The following TMC5 variants were observed in gnomAD, a reference collection of about 807,000 sequenced individuals.
The protein encoded by TMC5 is transmembrane channel-like protein 5.
A neutral mutation model predicts 110.5 loss-of-function variants in TMC5; 86 were observed. That is an observed-to-expected ratio of 0.78 (90% CI 0.65 to 0.93). The LOEUF is 0.93. TMC5 is among the 40% of genes least tolerant of loss of function. TMC5 has a pLI of 0.00. For synonymous variants in TMC5, 455 were observed against 439.5 expected, an observed-to-expected ratio of 1.04 and a Z score of -0.44; for missense variants, 1,144 against 1,222.8, an observed-to-expected ratio of 0.94 and a Z score of 0.96.
At chr16:19,449,519 T>C (rs909936066) in intron 4 of TMC5, 23 bp from the exon 5 acceptor site, 1 of 1,602,102 alleles carries the variant, frequency 6.2e-7, no homozygotes, top group Non-Finnish European at 8.6e-7. Flanking sequence ...TAATCGGCAA[T>C]ATCTCCTTCC....
Position 19,440,606 on chromosome 16 carries a change from C to G in TMC5, c.568C>G (p.His190Asp). 1 of 1,614,200 alleles carries G rather than the reference C, an allele frequency of 6.2e-7. No homozygotes were observed. Among genetic ancestry groups the G allele is most frequent in the African/African-American group, 1.3e-5 (1 of 75,052 alleles). Residue 190 changes from histidine (H) to aspartate (D), a missense_variant, in exon 3 of 22, where the codon CAT (histidine) becomes GAT (aspartate). His to Asp is a moderately conservative substitution (Grantham distance 81). Coordinates refer to ENST00000542583, the MANE Select transcript of TMC5 (RefSeq NM_001261841.2). ...TCCAGGATCCAGAAAGAATCTGGAACATACAAGTTTTAGAATCAATCCATA... is the reference window on the plus strand; with the variant it reads ...TCCAGGATCCAGAAAGAATCTGGAAGATACAAGTTTTAGAATCAATCCATA... ...NHPGSRKNLE[H>D]TSFRINPYAD...
chr16:19,432,544 C>T (rs1967216067), intron 2 of TMC5, among the ~76,000 whole-genome samples: 2 of 152,210 alleles, frequency 1.3e-5, no homozygotes, highest in Admixed American at 1.3e-4. Context: ...GGGTAAGGTT[C>T]TCAGAAGGCC....
intron 2 of TMC5, among the ~76,000 whole-genome samples, chr16:19,431,671 C>T (rs951942267): frequency 6.6e-6 from 1 of 152,028 alleles, no homozygotes; most frequent in Non-Finnish European, 1.5e-5. Context: ...TTTTGTAAGG[C>T]CCTGGTTTCT....
intron 5 of TMC5, among the ~76,000 whole-genome samples, chr16:19,459,485 T>C (rs1427641484): frequency 6.6e-6 from 1 of 152,012 alleles, no homozygotes; most frequent in Non-Finnish European, 1.5e-5. Context: ...TGTGGGATAT[T>C]AAAGCAAGAG....
intron 14 of TMC5, among the ~76,000 whole-genome samples, chr16:19,480,910 C>A (rs1277642591): frequency 1.3e-5 from 2 of 151,172 alleles, no homozygotes; most frequent in Admixed American, 6.6e-5. Context: ...TCAAGTTTCC[C>A]CAGAGTAAAT....
chr16:19,462,935 G>T (rs1397317457), intron 6 of TMC5, among the ~76,000 whole-genome samples: 1 of 151,614 alleles, frequency 6.6e-6, no homozygotes, highest in African/African-American at 2.4e-5. Flanking sequence ...AAAGAAATGA[G>T]GTCTCGTTCA....
At chr16:19,465,323 C>T (rs1326060769) in intron 8 of TMC5, among the ~76,000 whole-genome samples, 2 of 151,994 alleles carry the variant, frequency 1.3e-5, no homozygotes, top group African/African-American at 4.8e-5. Flanking sequence ...CACTTGAAGT[C>T]AGAAGTTGGA....
intron 5 of TMC5, among the ~76,000 whole-genome samples, chr16:19,457,607 C>A (rs896322113): frequency 6.7e-6 from 1 of 149,612 alleles, no homozygotes; most frequent in African/African-American, 2.4e-5. Flanking sequence ...TTTGAGGTGG[C>A]ATTTCCGTTT....
upstream of TMC5, among the ~76,000 whole-genome samples, chr16:19,415,270 G>A (rs891369385): frequency 3.3e-5 from 5 of 152,216 alleles, no homozygotes; most frequent in African/African-American, 1.2e-4. Context: ...ATGTTGAGTT[G>A]CTGATTTCCT....
chr16:19,469,560 T>C lies in TMC5; in HGVS notation c.1638-121T>C, dbSNP rs1209752176. 5.6e-6 allele frequency: 7 copies of C among 1,259,344 alleles called. No homozygotes were observed. In the East Asian group the frequency reaches 1.2e-4, roughly 21 times the overall value. The allele number at this position is 1,259,344 out of a possible 1,614,324, so 78.0% of individuals were successfully genotyped here. On this transcript the variant is annotated intron_variant, in intron 9 of 21. Transcript: ENST00000542583. ...GACCACACCGCTCCAGGCCAACAGC[T>C]TGGGGCTAAGTCTTCACGTTGCCTT...
chr16:19,463,910 G>A lies in TMC5; in HGVS notation c.1371G>A (p.Leu457=), dbSNP rs371184097. Residue 457 remains leucine, a synonymous_variant, in exon 8 of 22, where the codon TTG becomes TTA. Transcript: ENST00000542583. The part of the protein sequence containing the change: ...LSYFNFLRWL[L]KFNIFSFILN... Reference sequence around the variant, plus strand: ...ATTTCAACTTTCTGAGATGGCTTTTGAAGTTCAACATTTTCTCATTCATCC... The same window carrying A: ...ATTTCAACTTTCTGAGATGGCTTTTAAAGTTCAACATTTTCTCATTCATCC... 3.1e-6 allele frequency: 5 copies of A among 1,614,028 alleles called. No homozygotes were observed. The highest frequency in any genetic ancestry group is 4.2e-6 in the Non-Finnish European group (5 of 1,180,038).
chr16:19,450,472 A>T (rs1324287649), intron 5 of TMC5, among the ~76,000 whole-genome samples: 4 of 152,156 alleles, frequency 2.6e-5, no homozygotes, highest in African/African-American at 9.7e-5. Flanking sequence ...TCCATTTCTC[A>T]TCTTTGTAAA....
intron 17 of TMC5, among the ~76,000 whole-genome samples, chr16:19,489,820 G>T (rs1718761379): frequency 1.3e-5 from 2 of 150,754 alleles, no homozygotes; most frequent in South Asian, 4.2e-4. Context: ...ACAGGGTCTT[G>T]CTCTGTTGCC....
At chr16:19,481,931 G>T (rs1346843151) in intron 15 of TMC5, among the ~76,000 whole-genome samples, 1 of 152,090 alleles carries the variant, frequency 6.6e-6, no homozygotes, top group African/African-American at 2.4e-5. Context: ...CTACCACGTG[G>T]GGACATGGAG....
chr16:19,413,001 A>T (rs1966860098), upstream of TMC5, among the ~76,000 whole-genome samples: 1 of 151,528 alleles, frequency 6.6e-6, no homozygotes, highest in Non-Finnish European at 1.5e-5. Flanking sequence ...TCGCCTCTAC[A>T]CCCAGCTGAT....
At chr16:19,492,104 G>C in intron 18 of TMC5, 46 bp from the exon 19 acceptor site, 1 of 1,490,264 alleles carries the variant, frequency 6.7e-7, no homozygotes, top group South Asian at 1.1e-5. Context: ...TTCAGAGCCT[G>C]CAAAACATTT....
At chr16:19,434,107 T>C (rs1266795001) in intron 2 of TMC5, among the ~76,000 whole-genome samples, 5 of 113,470 alleles carry the variant, frequency 4.4e-5, no homozygotes, top group African/African-American at 1.0e-4. Flanking sequence ...AATATATATA[T>C]TATATATATA....
intron 13 of TMC5, among the ~76,000 whole-genome samples, chr16:19,478,038 C>G (rs1968530825): frequency 6.6e-6 from 1 of 152,198 alleles, no homozygotes; most frequent in Non-Finnish European, 1.5e-5. Context: ...CTTCACTTAA[C>G]TACAGTTTCT....
At chr16:19,494,202 T>C in intron 19 of TMC5, 60 bp from the exon 20 acceptor site, 1 of 1,383,930 alleles carries the variant, frequency 7.2e-7, no homozygotes. Flanking sequence ...CTTTCTCAAT[T>C]CCATACCATC....
Sources: gnomAD v4.1 joint callset for allele counts (sites outside exome capture counted in the v4.1 genomes callset) on GRCh38, gnomAD v4.1.1 for gene constraint, MANE v1.5 for transcripts, NCBI Gene and HGNC (gene_info 2026-07-23, HGNC 2026-07-21) for gene names.